CPNE4: variants seen among roughly 807,000 people sequenced by gnomAD.
CPNE4 encodes copine 4.
Under a neutral mutation model 67.9 loss-of-function variants are expected in CPNE4, and 25 were observed. The ratio of observed to expected loss-of-function variants is 0.37; its 90% CI spans 0.27 to 0.51. The LOEUF (loss-of-function observed/expected upper bound fraction) is 0.51. Ranked by LOEUF, CPNE4 falls within the 20% of genes least tolerant of loss-of-function variation. The probability of loss-of-function intolerance (pLI) is 0.93; values close to 1 mark genes in which losing one functional copy is unlikely to be tolerated. For synonymous variants in CPNE4, 242 were observed against 244.9 expected (o/e 0.99, Z 0.11); for missense variants, 464 against 690.8 (o/e 0.67, Z 3.68).
chr3:131,986,688 A>G (rs1010856289), intron 1 of CPNE4, among the ~76,000 whole-genome samples: 6 of 152,154 alleles, frequency 3.9e-5, no homozygotes, highest in Non-Finnish European at 8.8e-5. Flanking sequence ...CGAGGTTAGA[A>G]GTTCGAGACC....
chr3:131,606,354 T>A (rs753229924), intron 7 of CPNE4, among the ~76,000 whole-genome samples: 1 of 152,190 alleles, frequency 6.6e-6, no homozygotes, highest in Non-Finnish European at 1.5e-5. Context: ...CCCAAAAGCA[T>A]GGAGAAATTA....
chr3:131,536,871 AC>A (rs1304336150), intron 15 of CPNE4, among the ~76,000 whole-genome samples: 8 of 152,210 alleles, frequency 5.3e-5, no homozygotes, highest in Non-Finnish European at 1.0e-4. Context: ...TGTTTCTCAT[AC>A]AAAGGTTAGA....
At chr3:131,812,732 T>C (rs773387256) in intron 2 of CPNE4, among the ~76,000 whole-genome samples, 5 of 152,148 alleles carry the variant, frequency 3.3e-5, no homozygotes, top group Non-Finnish European at 7.4e-5. Context: ...GAGAGGCCAG[T>C]GAAGGCAGAC....
intron 2 of CPNE4, among the ~76,000 whole-genome samples, chr3:131,885,422 T>C (rs768509062): frequency 2.6e-4 from 39 of 151,924 alleles, no homozygotes; most frequent in South Asian, 6.2e-4. Flanking sequence ...AATAGGTTAA[T>C]AGATGCAGAC....
At chr3:132,037,582 A>G, upstream of CPNE4, 1 of 1,535,930 alleles carries the variant, frequency 6.5e-7, no homozygotes, top group African/African-American at 1.4e-5. Flanking sequence ...CTTTTAATGG[A>G]TTCTGAGCTG....
intron 2 of CPNE4, among the ~76,000 whole-genome samples, chr3:131,756,175 T>C (rs1440101456): frequency 2.0e-5 from 3 of 152,194 alleles, no homozygotes; most frequent in Non-Finnish European, 4.4e-5. Flanking sequence ...ATAGTCTTGG[T>C]AATTAGGCCC....
chr3:131,677,811 A>C (rs907532550), intron 6 of CPNE4, among the ~76,000 whole-genome samples: 6 of 152,164 alleles, frequency 3.9e-5, no homozygotes, highest in African/African-American at 1.4e-4. Flanking sequence ...TTATACCAGT[A>C]CCATGCTGTT....
chr3:131,837,397 C>T (rs2085599510), intron 2 of CPNE4, among the ~76,000 whole-genome samples: 1 of 152,076 alleles, frequency 6.6e-6, no homozygotes, highest in Admixed American at 6.6e-5. Context: ...AAAAGGATGG[C>T]TCTGAAGACA....
rs549085501 is a variant in CPNE4 at position 131,836,819 on chromosome 3, A to G, written c.180+68445T>C. Among the ~76,000 whole-genome samples, 18 of 152,342 alleles carry G rather than the reference A, an allele frequency of 1.2e-4. No homozygotes were observed. In the South Asian group the frequency reaches 3.5e-3, roughly 30 times the overall value. On this transcript the variant is annotated intron_variant, in intron 2 of 15. Transcript: ENST00000429747. ...GATTGGGAAAAAATATTTGCAAGTC[A>G]TATGTCCAACAAAAGACTTGTATAA...
At chr3:132,034,469 T>C (rs2074304621) in intron 1 of CPNE4, 98 bp downstream of exon 1, 1 of 394,516 alleles carries the variant, frequency 2.5e-6, no homozygotes, top group East Asian at 1.6e-4. Flanking sequence ...CGAGAACCAG[T>C]GCATCTCAAA....
At chr3:131,656,071 G>A (rs200410940) in intron 7 of CPNE4, among the ~76,000 whole-genome samples, 1 of 51,074 alleles carries the variant, frequency 2.0e-5, no homozygotes, top group African/African-American at 7.8e-5. Context: ...TTTTTTTTTT[G>A]TGACTTGCAT....
intron 15 of CPNE4, among the ~76,000 whole-genome samples, chr3:131,539,419 C>T (rs1935353168): frequency 6.6e-6 from 1 of 152,068 alleles, no homozygotes. Flanking sequence ...GCTTTGAGGT[C>T]CTGTAACAAC....
intron 2 of CPNE4, among the ~76,000 whole-genome samples, chr3:131,857,872 C>A (rs1025125387): frequency 2.3e-4 from 35 of 151,868 alleles, no homozygotes; most frequent in African/African-American, 8.2e-4. Flanking sequence ...CAATTTCCAG[C>A]AGGTGTTAGG....
intron 2 of CPNE4, among the ~76,000 whole-genome samples, chr3:131,839,537 G>A (rs1391960564): frequency 6.6e-6 from 1 of 151,470 alleles, no homozygotes. Context: ...ATTTGCATAT[G>A]CATTTTAATT....
At chr3:131,876,116 G>A (rs2087434588) in intron 2 of CPNE4, among the ~76,000 whole-genome samples, 1 of 152,116 alleles carries the variant, frequency 6.6e-6, no homozygotes, top group South Asian at 2.1e-4. Context: ...GCACACGCCT[G>A]TAGTCCCAGC....
intron 13 of CPNE4, among the ~76,000 whole-genome samples, chr3:131,550,730 T>G (rs1936125810): frequency 6.6e-6 from 1 of 152,084 alleles, no homozygotes; most frequent in Non-Finnish European, 1.5e-5. Flanking sequence ...GTGTGATGAA[T>G]GAGCAAAGTG....
intron 7 of CPNE4, among the ~76,000 whole-genome samples, chr3:131,667,272 T>A (rs550648471): frequency 4.2e-5 from 6 of 143,254 alleles, no homozygotes; most frequent in African/African-American, 1.5e-4. Context: ...TGAAAGAAAT[T>A]AAAACATTTT....
At chr3:131,950,058 T>C (rs1036652666) in intron 1 of CPNE4, among the ~76,000 whole-genome samples, 2 of 152,204 alleles carry the variant, frequency 1.3e-5, no homozygotes, top group African/African-American at 2.4e-5. Flanking sequence ...GCAGTAGTTA[T>C]GTTGTATAAG....
intron 2 of CPNE4, among the ~76,000 whole-genome samples, chr3:131,864,950 A>G (rs946042708): frequency 1.3e-5 from 2 of 150,948 alleles, no homozygotes; most frequent in African/African-American, 4.8e-5. Flanking sequence ...CCTTTTCTGC[A>G]TCTATTGAGA....
Sources: allele counts gnomAD v4.1 joint callset (sites outside exome capture counted in the v4.1 genomes callset), GRCh38; gene constraint gnomAD v4.1.1; transcripts MANE v1.5; gene names NCBI Gene and HGNC (gene_info 2026-07-23, HGNC 2026-07-21).